The following DIS3L variants were observed in gnomAD, a reference collection of about 807,000 sequenced individuals.
DIS3L encodes DIS3 like exosome 3'-5' exoribonuclease.
A neutral mutation model predicts 120.3 loss-of-function variants in DIS3L; 100 were observed. The observed-to-expected ratio is 0.83, with a 90% CI of 0.71 to 0.98. The LOEUF (loss-of-function observed/expected upper bound fraction) is 0.98, where lower values mean the gene tolerates loss of function less well. Among genes scored for constraint, DIS3L ranks in the 50% least tolerant of loss-of-function variants. The pLI is 0.00. For missense variants in DIS3L, 1,196 were observed against 1,314.2 expected (o/e 0.91, Z 1.39); for synonymous variants, 426 against 470.6 (o/e 0.91, Z 1.23).
At chr15:66,306,092 C>G (rs982289840) in intron 2 of DIS3L, among the ~76,000 whole-genome samples, 13 of 152,136 alleles carry the variant, frequency 8.5e-5, no homozygotes, top group African/African-American at 3.1e-4. Context: ...AATCTTCCCA[C>G]CTCAGCCTCC....
At chr15:66,314,870 T>C (rs2092800954) in intron 6 of DIS3L, 166 bp from the exon 7 acceptor site, 3 of 631,416 alleles carry the variant, frequency 4.8e-6, no homozygotes, top group South Asian at 5.1e-5. Flanking sequence ...TGCCAGCAAT[T>C]CTTCATTCCT....
In DIS3L at chr15:66,329,092, G is replaced by T. The variant is rs771097122; in HGVS notation, c.2324G>T (p.Gly775Val). 3 of 1,613,918 alleles carry T rather than the reference G, an allele frequency of 1.9e-6. No individual in the cohort carries two copies. Among genetic ancestry groups the T allele is most frequent in the Non-Finnish European group, 2.5e-6 (3 of 1,179,958 alleles). The change falls in exon 13 of 17, where the codon GGA becomes GTA. Residue 775 changes from glycine to valine, a missense_variant. Coordinates refer to ENST00000319212, the MANE Select transcript of DIS3L (RefSeq NM_001143688.3). The stretch of plus-strand genomic sequence containing the variant: ...TCGAATGCTCTGTACTTCTCCACCG[G>T]ATCCTGTGCGGAGGAGGAGTTCCAT... ...AMSNALYFST[G>V]SCAEEEFHHY...
intron 2 of DIS3L, among the ~76,000 whole-genome samples, chr15:66,296,311 C>A (rs2092585765): frequency 6.6e-6 from 1 of 152,076 alleles, no homozygotes; most frequent in Non-Finnish European, 1.5e-5. Flanking sequence ...ACGTTTTTTT[C>A]TCCTGAACAT....
chr15:66,324,392 T>G (rs1325453964), intron 11 of DIS3L, among the ~76,000 whole-genome samples: 1 of 152,164 alleles, frequency 6.6e-6, no homozygotes. Context: ...AGGCTGGTCT[T>G]GAACTCCTGT....
At chr15:66,305,295 A>G in intron 2 of DIS3L, among the ~76,000 whole-genome samples, 1 of 151,952 alleles carries the variant, frequency 6.6e-6, no homozygotes, top group Non-Finnish European at 1.5e-5. Flanking sequence ...CACCGCACCC[A>G]GCCCTAGTGA....
chr15:66,299,545 C>CAA lies in DIS3L; in HGVS notation c.293+4419_293+4420dup, dbSNP rs34499239. Among the ~76,000 whole-genome samples the CAA allele has an allele frequency of 7.5e-4, 66 of 88,060 alleles. 1 individual carries two copies. The highest frequency in any genetic ancestry group is 1.8e-3 in the East Asian group (5 of 2,768). The allele number at this position is 88,060 out of a possible 152,430, so 57.8% of individuals were successfully genotyped here. A position where few individuals can be genotyped will look rare whatever the true frequency, so the allele number is the denominator to read the frequency against. ...TGGGCAAAAGAGCAAAACTCCATCT[C>CAA]AAAAAAAAAAAAAAAAGGGATTACT... is the stretch of plus-strand genomic sequence containing the variant. On this transcript the variant is annotated intron_variant, in intron 2 of 16. Coordinates refer to ENST00000319212, the MANE Select transcript of DIS3L (RefSeq NM_001143688.3).
At position 66,309,094 on chromosome 15, in the gene DIS3L, A is replaced by AAAAAATATATATATATATATATATAT; in HGVS notation, c.558+251_558+252insAAAATATATATATATATATATATATA. Among the ~76,000 whole-genome samples, 15 of 15,292 alleles carry AAAAAATATATATATATATATATATAT rather than the reference A, an allele frequency of 9.8e-4. 3 individuals carry two copies. Among genetic ancestry groups the AAAAAATATATATATATATATATATAT allele is most frequent in the Admixed American group, 3.2e-3 (2 of 618 alleles). The allele number at this position is 15,292 out of a possible 152,430, so 10.0% of individuals were successfully genotyped here. ...CTTGTCTCTACAGAAAAAAAAAAAA[A>AAAAAATATATATATATATATATATAT]ATATATATATCTCCAAGCATGGTGG... is the stretch of plus-strand genomic sequence containing the variant. On this transcript the variant is annotated intron_variant, in intron 4 of 16. Transcript: ENST00000319212.
intron 2 of DIS3L, among the ~76,000 whole-genome samples, chr15:66,306,606 C>G (rs151012202): frequency 6.6e-6 from 1 of 152,326 alleles, no homozygotes; most frequent in Non-Finnish European, 1.5e-5. Context: ...AACTAATTAA[C>G]TAGGCCCTGC....
chr15:66,293,833 A>T, intron 1 of DIS3L, 98 bp downstream of exon 1: 1 of 1,035,762 alleles, frequency 9.7e-7, no homozygotes, highest in Non-Finnish European at 1.2e-6. Context: ...AGCGGCGGGG[A>T]CACGGAGGCG....
intron 5 of DIS3L, among the ~76,000 whole-genome samples, chr15:66,313,347 A>G (rs547769722): frequency 1.3e-5 from 2 of 152,214 alleles, no homozygotes; most frequent in Non-Finnish European, 2.9e-5. Flanking sequence ...CATCAGTTAC[A>G]TAAGATAGAG....
intron 11 of DIS3L, among the ~76,000 whole-genome samples, chr15:66,324,290 A>T (rs534727372): frequency 1.3e-5 from 2 of 152,330 alleles, no homozygotes; most frequent in South Asian, 4.1e-4. Context: ...TGGTATTACA[A>T]ACAAAGCTGT....
rs1246753910 is a variant in DIS3L, at chr15:66,318,572, G to C, written c.1118G>C (p.Arg373Thr). Reference sequence around the variant, plus strand: ...ATCCTGGTTACACCTTGGGATTACAGAATTCCCAAAATTCGAATTAGCACT... The same window carrying C: ...ATCCTGGTTACACCTTGGGATTACACAATTCCCAAAATTCGAATTAGCACT... The part of the protein sequence containing the change: ...QKILVTPWDY[R>T]IPKIRISTQQ... The change falls in exon 8 of 17, where the codon AGA becomes ACA. Residue 373 changes from arginine to threonine, a missense_variant. Transcript: ENST00000319212. 24 of 1,613,906 alleles carry C rather than the reference G, an allele frequency of 1.5e-5. No homozygotes were observed. Among genetic ancestry groups the C allele is most frequent in the Non-Finnish European group, 1.9e-5 (23 of 1,180,030 alleles).
At chr15:66,308,992 C>T (rs1180139238) in intron 4 of DIS3L, 148 bp downstream of exon 4, 1 of 752,338 alleles carries the variant, frequency 1.3e-6, no homozygotes, top group South Asian at 3.3e-5. Context: ...TGCCTGTAAT[C>T]CCAGCACTTG....
chr15:66,312,810 G>A (rs1021422924), intron 5 of DIS3L, among the ~76,000 whole-genome samples: 2 of 152,090 alleles, frequency 1.3e-5, no homozygotes, highest in South Asian at 4.1e-4. Flanking sequence ...CGTGGATTTT[G>A]CATTTCTAAT....
At chr15:66,329,831 G>C in intron 14 of DIS3L, 1 of 954,114 alleles carries the variant, frequency 1.0e-6, no homozygotes, top group South Asian at 4.8e-5. Flanking sequence ...AGAATCTCTT[G>C]AACCCAGGAG....
At position 66,332,780 on chromosome 15, in the gene DIS3L, T is replaced by C; in HGVS notation, c.2726T>C (p.Leu909Ser). ...GCTTATCTAAAAAATAAAGATGGTT[T>C]AGTCATCTCATGTGGCCCAGATAGC... The part of the protein sequence containing the change: ...GAAYLKNKDG[L>S]VISCGPDSCS... The change falls in exon 16 of 17, where the codon TTA (leucine) becomes TCA (serine). Residue 909 changes from leucine to serine, a missense_variant. Transcript: ENST00000319212. 4.3e-6 allele frequency: 7 copies of C among 1,613,624 alleles called. No individual in the cohort carries two copies. Among genetic ancestry groups the C allele is most frequent in the Non-Finnish European group, 5.1e-6 (6 of 1,179,846 alleles).
At chr15:66,320,789 G>GT in intron 9 of DIS3L, 57 bp downstream of exon 9, 1 of 1,565,602 alleles carries the variant, frequency 6.4e-7, no homozygotes. Context: ...TTTTGTTGTT[G>GT]TTTCATCATT....
Position 66,320,587 on chromosome 15 carries a change from T to C in DIS3L, c.1181T>C (p.Val394Ala), listed in dbSNP as rs759988852. The change falls in exon 9 of 17, where the codon GTG becomes GCG. Residue 394 changes from valine (V) to alanine (A), a missense_variant. By Grantham distance (64) the Val-to-Ala change is moderately conservative. Coordinates refer to ENST00000319212, the MANE Select transcript of DIS3L (RefSeq NM_001143688.3). ...TTTGTGCAGGACTTCAGGGTGGTCGTGCGCATCGATTCCTGGGAGTCAACA... is the reference window on the plus strand; with the variant it reads ...TTTGTGCAGGACTTCAGGGTGGTCGCGCGCATCGATTCCTGGGAGTCAACA... Reference protein sequence around the residue: ...AETLQDFRVVVRIDSWESTSV... With the variant: ...AETLQDFRVVARIDSWESTSV... 6 of 1,613,500 alleles carry C rather than the reference T, an allele frequency of 3.7e-6. No homozygotes were observed. In the Admixed American group the frequency reaches 1.0e-4, roughly 27 times the overall value.
intron 8 of DIS3L, 96 bp from the exon 9 acceptor site, chr15:66,320,475 A>C (rs2092870132): frequency 7.2e-7 from 1 of 1,381,352 alleles, no homozygotes; most frequent in African/African-American, 1.5e-5. Context: ...CTCTCCTTGG[A>C]ACCCAGTATT....
Sources: allele counts gnomAD v4.1 joint callset (sites outside exome capture counted in the v4.1 genomes callset), GRCh38; gene constraint gnomAD v4.1.1; transcripts MANE v1.5; gene names NCBI Gene and HGNC (gene_info 2026-07-23, HGNC 2026-07-21).